The following EFL1 variants were observed in gnomAD, a reference collection of about 807,000 sequenced individuals.
The protein encoded by EFL1 is elongation factor-like GTPase 1.
A neutral mutation model predicts 126.7 loss-of-function variants in EFL1; 76 were observed. The observed-to-expected ratio is 0.60, with a 90% CI of 0.50 to 0.73. The LOEUF (loss-of-function observed/expected upper bound fraction) is 0.73. Among genes scored for constraint, EFL1 ranks in the 30% least tolerant of loss-of-function variants. EFL1 has a pLI of 0.00. For synonymous variants in EFL1, 410 were observed against 448.4 expected (o/e 0.91, Z 1.08); for missense variants, 1,128 against 1,343.2 (o/e 0.84, Z 2.50).
intron 15 of EFL1, among the ~76,000 whole-genome samples, chr15:82,192,055 T>A (rs1368465545): frequency 1.3e-5 from 2 of 152,092 alleles, no homozygotes; most frequent in Non-Finnish European, 2.9e-5. Context: ...CTAGTAGGAA[T>A]TTTTAAAAAA....
intron 3 of EFL1, among the ~76,000 whole-genome samples, chr15:82,258,266 C>T (rs765163651): frequency 3.3e-5 from 5 of 152,186 alleles, no homozygotes; most frequent in Admixed American, 1.3e-4. Context: ...TTTCCTCAAA[C>T]GCTATTTTCA....
intron 15 of EFL1, among the ~76,000 whole-genome samples, chr15:82,177,653 T>C (rs752422190): frequency 2.0e-5 from 3 of 152,220 alleles, no homozygotes; most frequent in Non-Finnish European, 2.9e-5. Context: ...TTTGGTCTGC[T>C]TCATTTTTTG....
chr15:82,130,536 AC>A lies in EFL1; in HGVS notation c.3199del (p.Val1067CysfsTer25). 6.2e-7 allele frequency: 1 copy of A among 1,614,070 alleles called. No individual in the cohort carries two copies. The highest frequency in any genetic ancestry group is 8.5e-7 in the Non-Finnish European group (1 of 1,180,018). On this transcript the variant is annotated frameshift_variant, in exon 20 of 20. Coordinates refer to ENST00000268206, the MANE Select transcript of EFL1 (RefSeq NM_024580.6). LOFTEE classifies it high-confidence loss of function. The stretch of plus-strand genomic sequence containing the variant: ...CAAGTATTCCTCCTCAGTAGTTGGC[AC>A]CCAGAAGGGGTCACTGGGAATGATC... ...WEIIPSDPFW[V>X]PTTEEEYLHF...
chr15:82,171,691 G>T (rs1003668561), intron 15 of EFL1, among the ~76,000 whole-genome samples: 1 of 151,950 alleles, frequency 6.6e-6, no homozygotes, highest in Non-Finnish European at 1.5e-5. Flanking sequence ...AACAAATATG[G>T]GAACAACAGA....
intron 4 of EFL1, among the ~76,000 whole-genome samples, chr15:82,247,725 T>TAAAAC (rs2074985795): frequency 2.0e-5 from 3 of 152,054 alleles, no homozygotes; most frequent in Admixed American, 2.0e-4. Flanking sequence ...TTTGTTTCTC[T>TAAAAC]TGGAATGTTT....
intron 15 of EFL1, among the ~76,000 whole-genome samples, chr15:82,195,150 T>A (rs1347543382): frequency 2.0e-5 from 3 of 152,198 alleles, no homozygotes; most frequent in Non-Finnish European, 2.9e-5. Context: ...TATAAACTTG[T>A]CTAACCTCAT....
intron 15 of EFL1, among the ~76,000 whole-genome samples, chr15:82,180,359 C>CAAAAAAAAAAA (rs71156028): frequency 5.0e-5 from 6 of 120,606 alleles, no homozygotes; most frequent in Admixed American, 8.1e-5. Flanking sequence ...ATTAAACTGG[C>CAAAAAAAAAAA]AAAAAAAAAA....
At chr15:82,170,528 T>A (rs111787884) in intron 15 of EFL1, among the ~76,000 whole-genome samples, 1 of 152,214 alleles carries the variant, frequency 6.6e-6, no homozygotes, top group African/African-American at 2.4e-5. Flanking sequence ...TTAGTCAACA[T>A]GCATTCTTGT....
chr15:82,181,755 T>A (rs938836184), intron 15 of EFL1, among the ~76,000 whole-genome samples: 3 of 152,090 alleles, frequency 2.0e-5, no homozygotes, highest in Non-Finnish European at 2.9e-5. Context: ...CTCTTCCCAG[T>A]TTTCCTGTGT....
In EFL1 at chr15:82,144,835, A is replaced by C. The variant is rs140423487; in HGVS notation, c.2990-5993T>G. ...GGGTGAAACCCTGTCTCTACTAAAA[A>C]TACAAAAATTAGCTGGGCGTGGTGG... On this transcript the variant is annotated intron_variant, in intron 18 of 19. Transcript: ENST00000268206. Among the ~76,000 whole-genome samples, 15 of 152,142 alleles carry C rather than the reference A, an allele frequency of 9.9e-5. No individual in the cohort carries two copies. In the East Asian group the frequency reaches 2.7e-3, roughly 28 times the overall value.
chr15:82,144,864 G>A (rs557163322), intron 18 of EFL1, among the ~76,000 whole-genome samples: 92 of 151,666 alleles, frequency 6.1e-4, no homozygotes, highest in South Asian at 1.0e-3. Context: ...GTGGTGGTGC[G>A]CACCTGTAGT....
chr15:82,227,751 T>C (rs1404482727), intron 10 of EFL1, among the ~76,000 whole-genome samples, 179 bp from the exon 11 acceptor site: 2 of 152,198 alleles, frequency 1.3e-5, no homozygotes, highest in Non-Finnish European at 2.9e-5. Flanking sequence ...TTCAGGGAGT[T>C]CACAAACTCC....
intron 18 of EFL1, among the ~76,000 whole-genome samples, chr15:82,144,068 A>G (rs2073816865): frequency 6.6e-6 from 1 of 152,110 alleles, no homozygotes; most frequent in Non-Finnish European, 1.5e-5. Context: ...TTGGAGACCA[A>G]CCTGGGCAAC....
chr15:82,164,538 T>C (rs1409449320), intron 15 of EFL1, among the ~76,000 whole-genome samples: 1 of 152,168 alleles, frequency 6.6e-6, no homozygotes, highest in Non-Finnish European at 1.5e-5. Flanking sequence ...GGCTGATGAT[T>C]GCATGAGACT....
chr15:82,162,602 C>T (rs1052855747), intron 16 of EFL1, among the ~76,000 whole-genome samples: 2 of 152,164 alleles, frequency 1.3e-5, no homozygotes, highest in East Asian at 3.9e-4. Flanking sequence ...TGGGATAAAT[C>T]CGTGTAGCAA....
intron 15 of EFL1, among the ~76,000 whole-genome samples, chr15:82,168,005 G>T (rs977935182): frequency 1.3e-5 from 2 of 152,164 alleles, no homozygotes; most frequent in African/African-American, 2.4e-5. Flanking sequence ...CATCCATACA[G>T]CCTCATGCCT....
chr15:82,240,675 A>T, intron 5 of EFL1, 120 bp from the exon 6 acceptor site: 1 of 1,151,474 alleles, frequency 8.7e-7, no homozygotes, highest in Non-Finnish European at 1.2e-6. Context: ...TTCATTAGGC[A>T]TTCACAAACT....
chr15:82,134,197 CA>C (rs960955086), intron 19 of EFL1, among the ~76,000 whole-genome samples: 4 of 152,186 alleles, frequency 2.6e-5, no homozygotes, highest in African/African-American at 7.2e-5. Context: ...ACATACCCAA[CA>C]AACTCTGAGA....
In EFL1 at chr15:82,148,471, G is replaced by C. The variant is rs182872651; in HGVS notation, c.2989+2994C>G. Among the ~76,000 whole-genome samples, 44 of 152,112 alleles carry C rather than the reference G, an allele frequency of 2.9e-4. No individual in the cohort carries two copies. The East Asian group carries it at 6.4e-3, about 22-fold the overall frequency. On this transcript the variant is annotated intron_variant, in intron 18 of 19. Coordinates refer to ENST00000268206, the MANE Select transcript of EFL1 (RefSeq NM_024580.6). ...TCAACCTATACTTTCAAAATAAGGAGACATGTCTTGTCTACAACTTATAGA... is the reference window on the plus strand; with the variant it reads ...TCAACCTATACTTTCAAAATAAGGACACATGTCTTGTCTACAACTTATAGA...
Sources: gnomAD v4.1 joint callset for allele counts (sites outside exome capture counted in the v4.1 genomes callset) on GRCh38, gnomAD v4.1.1 for gene constraint, MANE v1.5 for transcripts, NCBI Gene and HGNC (gene_info 2026-07-23, HGNC 2026-07-21) for gene names.